The following KHDRBS2 variants were observed in gnomAD, a reference collection of about 807,000 sequenced individuals.
KHDRBS2 encodes KH RNA binding domain containing, signal transduction associated 2.
A neutral mutation model predicts 44.3 loss-of-function variants in KHDRBS2; 26 were observed. The observed-to-expected ratio is 0.59, with a 90% CI of 0.43 to 0.81. The LOEUF is 0.81. KHDRBS2 is among the 40% of genes least tolerant of loss of function. The pLI, the probability that KHDRBS2 is intolerant of heterozygous loss-of-function variation, is 0.00. For missense variants in KHDRBS2, 476 were observed against 433.1 expected, an observed-to-expected ratio of 1.10 and a Z score of -0.88; for synonymous variants, 194 against 151.1, an observed-to-expected ratio of 1.28 and a Z score of -2.08.
At chr6:62,260,994 C>A (rs1420939987) in intron 1 of KHDRBS2, among the ~76,000 whole-genome samples, 1 of 151,830 alleles carries the variant, frequency 6.6e-6, no homozygotes, top group African/African-American at 2.4e-5. Context: ...AGCCAGAATT[C>A]TCTCCTCCTA....
chr6:61,738,189 C>T (rs918241492), intron 6 of KHDRBS2, among the ~76,000 whole-genome samples: 3 of 151,900 alleles, frequency 2.0e-5, no homozygotes, highest in Admixed American at 1.3e-4. Flanking sequence ...TCAGTCCCAA[C>T]GCAGAATTTC....
chr6:62,218,582 G>A (rs751746622), intron 1 of KHDRBS2, among the ~76,000 whole-genome samples: 11 of 151,402 alleles, frequency 7.3e-5, no homozygotes, highest in Non-Finnish European at 1.0e-4. Context: ...CATTTAAAGA[G>A]GTATGTTATA....
chr6:62,099,056 T>G (rs1012015092), intron 2 of KHDRBS2, among the ~76,000 whole-genome samples: 7 of 152,344 alleles, frequency 4.6e-5, no homozygotes, highest in Admixed American at 2.6e-4. Flanking sequence ...CTACATATTC[T>G]TAAGGTTCAT....
chr6:62,232,272 T>G (rs937555864), intron 1 of KHDRBS2, among the ~76,000 whole-genome samples: 1 of 152,212 alleles, frequency 6.6e-6, no homozygotes, highest in African/African-American at 2.4e-5. Flanking sequence ...GAGATCTGTA[T>G]TCTCATTGCT....
the KHDRBS2 span, among the ~76,000 whole-genome samples, chr6:61,571,708 A>G: frequency 6.6e-6 from 1 of 152,156 alleles, no homozygotes; most frequent in South Asian, 2.1e-4. Context: ...AATTATATCA[A>G]GTATCCTCTC....
At chr6:61,562,699 C>A in the KHDRBS2 span, among the ~76,000 whole-genome samples, 39 of 152,064 alleles carry the variant, frequency 2.6e-4, no homozygotes, top group Non-Finnish European at 4.6e-4. Context: ...TGTGGGAGAG[C>A]AGAAACCTAA....
the KHDRBS2 span, among the ~76,000 whole-genome samples, chr6:61,556,537 C>A: frequency 3.9e-5 from 6 of 152,144 alleles, no homozygotes; most frequent in Non-Finnish European, 5.9e-5. Flanking sequence ...AAAATGCCTA[C>A]CAAATACCCA....
At chr6:61,860,009 A>G (rs1796689655) in intron 6 of KHDRBS2, among the ~76,000 whole-genome samples, 1 of 152,056 alleles carries the variant, frequency 6.6e-6, no homozygotes, top group Non-Finnish European at 1.5e-5. Flanking sequence ...AGTTCAGTGT[A>G]TCATAATCAA....
chr6:61,782,728 T>TACACACACAC (rs1783172976), intron 6 of KHDRBS2, among the ~76,000 whole-genome samples: 1 of 86,688 alleles, frequency 1.2e-5, no homozygotes, highest in African/African-American at 5.6e-5. Context: ...TATATATATA[T>TACACACACAC]ATATATATAT....
At chr6:62,217,463 G>C (rs1323404868) in intron 1 of KHDRBS2, among the ~76,000 whole-genome samples, 1 of 151,842 alleles carries the variant, frequency 6.6e-6, no homozygotes, top group Non-Finnish European at 1.5e-5. Context: ...TGCTGTCTTA[G>C]ACTCAATCTT....
At position 61,986,019 on chromosome 6, in the gene KHDRBS2, T is replaced by TA. The variant is rs199700504; in HGVS notation, c.337-7808dup. Among the ~76,000 whole-genome samples the TA allele has an allele frequency of 2.9e-3, 437 of 150,906 alleles. 2 individuals are homozygous for TA. Among genetic ancestry groups the TA allele is most frequent in the South Asian group, 0.027 (130 of 4,762 alleles). On this transcript the variant is annotated intron_variant, in intron 3 of 8. Transcript: ENST00000281156. ...TTGGAAGCACTAGAGTATAGTGGTT[T>TA]AAAAAAAAAATGAATTTTGGAGTCA...
At chr6:61,660,866 A>G in the KHDRBS2 span, among the ~76,000 whole-genome samples, 1 of 151,910 alleles carries the variant, frequency 6.6e-6, no homozygotes, top group Non-Finnish European at 1.5e-5. Flanking sequence ...TGTATGGTGG[A>G]TGACATTTCT....
the KHDRBS2 span, among the ~76,000 whole-genome samples, chr6:61,657,015 C>T: frequency 6.6e-6 from 1 of 151,822 alleles, no homozygotes; most frequent in Admixed American, 6.6e-5. Context: ...TCACAAGGCA[C>T]CTGGAGAAAG....
At chr6:61,769,619 G>A (rs1323368792) in intron 6 of KHDRBS2, among the ~76,000 whole-genome samples, 3 of 128,674 alleles carry the variant, frequency 2.3e-5, no homozygotes, top group African/African-American at 1.1e-4. Context: ...CAAGGCGGCA[G>A]CGAGGCTGGG....
At chr6:61,973,848 G>A (rs2127400520) in intron 4 of KHDRBS2, among the ~76,000 whole-genome samples, 1 of 152,278 alleles carries the variant, frequency 6.6e-6, no homozygotes, top group East Asian at 1.9e-4. Context: ...GTGTTGGGAA[G>A]ATTCTGGGCC....
chr6:62,022,786 G>A (rs999284190), intron 3 of KHDRBS2, among the ~76,000 whole-genome samples: 2 of 151,498 alleles, frequency 1.3e-5, no homozygotes, highest in African/African-American at 4.8e-5. Context: ...CATATCATGT[G>A]CGTAGTATAT....
chr6:61,567,992 A>G, the KHDRBS2 span, among the ~76,000 whole-genome samples: 7 of 151,932 alleles, frequency 4.6e-5, no homozygotes, highest in Admixed American at 1.3e-4. Flanking sequence ...TAAGTCTTTA[A>G]TTCATCTTGA....
the KHDRBS2 span, among the ~76,000 whole-genome samples, chr6:61,591,302 A>G: frequency 6.6e-6 from 1 of 152,200 alleles, no homozygotes; most frequent in South Asian, 2.1e-4. Context: ...AAAATATATA[A>G]CAATTAATTT....
chr6:62,028,840 G>C (rs1294698656), intron 3 of KHDRBS2, among the ~76,000 whole-genome samples: 2 of 151,920 alleles, frequency 1.3e-5, no homozygotes, highest in African/African-American at 4.8e-5. Context: ...TTTACTTGTC[G>C]ACACATGTGA....
Sources: allele counts gnomAD v4.1 joint callset (sites outside exome capture counted in the v4.1 genomes callset), GRCh38; gene constraint gnomAD v4.1.1; transcripts MANE v1.5; gene names NCBI Gene and HGNC (gene_info 2026-07-23, HGNC 2026-07-21).